TMEM132B: variants seen among roughly 807,000 people sequenced by gnomAD.
TMEM132B encodes transmembrane protein 132B.
Under a neutral mutation model 90.8 loss-of-function variants are expected in TMEM132B, and 18 were observed. The ratio of observed to expected loss-of-function variants is 0.20; its 90% CI spans 0.14 to 0.29. TMEM132B has a LOEUF of 0.29. TMEM132B is among the 10% of genes least tolerant of loss of function. The probability of loss-of-function intolerance (pLI) is 1.00; values close to 1 mark genes in which losing one functional copy is unlikely to be tolerated. For synonymous variants in TMEM132B, 504 were observed against 523.3 expected (o/e 0.96, Z 0.50); for missense variants, 1,096 against 1,326.8 (o/e 0.83, Z 2.70).
chr12:125,427,812 T>C (rs1880363275), intron 3 of TMEM132B, among the ~76,000 whole-genome samples: 1 of 152,232 alleles, frequency 6.6e-6, no homozygotes, highest in South Asian at 2.1e-4. Context: ...TTATTTCTAC[T>C]GTAGGATTTA....
At chr12:125,305,415 G>A (rs1875932060) in intron 1 of TMEM132B, among the ~76,000 whole-genome samples, 1 of 151,878 alleles carries the variant, frequency 6.6e-6, no homozygotes, top group Non-Finnish European at 1.5e-5. Flanking sequence ...GTGTGAGATG[G>A]CAGCCACATG....
Position 125,300,353 on chromosome 12 carries a change from C to T in TMEM132B, c.68-49099C>T, listed in dbSNP as rs144913735. ...ACCTGGTCTCTTTTGTTCTTTATAT[C>T]CCTTGTTACAGCCCGACCACCTGAC... On this transcript the variant is annotated intron_variant, in intron 1 of 8. Coordinates refer to ENST00000682704, the MANE Select transcript of TMEM132B (RefSeq NM_001366854.1). 3.7e-3 allele frequency among the ~76,000 whole-genome samples: 564 copies of T among 152,216 alleles called. 8 individuals are homozygous for T. The highest frequency in any genetic ancestry group is 0.013 in the African/African-American group (534 of 41,538).
chr12:125,198,037 A>G (rs1872964004), intron 1 of TMEM132B, among the ~76,000 whole-genome samples: 1 of 152,212 alleles, frequency 6.6e-6, no homozygotes, highest in African/African-American at 2.4e-5. Flanking sequence ...GGAACTGATC[A>G]GTGATTTTAT....
At chr12:125,576,706 CAT>C (rs1326286671) in intron 4 of TMEM132B, among the ~76,000 whole-genome samples, 3 of 151,952 alleles carry the variant, frequency 2.0e-5, no homozygotes, top group Admixed American at 6.6e-5. Flanking sequence ...CTTTTTTTCA[CAT>C]GTCTTGAGAT....
At chr12:125,291,050 A>G (rs1250604564) in intron 1 of TMEM132B, among the ~76,000 whole-genome samples, 1 of 152,202 alleles carries the variant, frequency 6.6e-6, no homozygotes, top group African/African-American at 2.4e-5. Context: ...TGAAATGCTA[A>G]TCCCCAATGC....
At chr12:125,429,784 C>G (rs1880442493) in intron 3 of TMEM132B, among the ~76,000 whole-genome samples, 1 of 152,192 alleles carries the variant, frequency 6.6e-6, no homozygotes, top group Non-Finnish European at 1.5e-5. Context: ...ACATGCTACT[C>G]ACATGATTTA....
intron 1 of TMEM132B, among the ~76,000 whole-genome samples, chr12:125,197,379 C>T (rs1872948663): frequency 2.0e-5 from 3 of 152,180 alleles, no homozygotes; most frequent in Non-Finnish European, 4.4e-5. Context: ...ACTTCCAGGA[C>T]ATTTTAGAGA....
At chr12:125,434,596 C>A (rs1880644900) in intron 3 of TMEM132B, among the ~76,000 whole-genome samples, 1 of 152,198 alleles carries the variant, frequency 6.6e-6, no homozygotes, top group African/African-American at 2.4e-5. Flanking sequence ...CCCACAACAC[C>A]TGATTCCAGC....
At position 125,265,635 on chromosome 12, in the gene TMEM132B, C is replaced by A. The variant is rs186144205; in HGVS notation, c.67+78769C>A. 4.6e-5 allele frequency among the ~76,000 whole-genome samples: 7 copies of A among 152,268 alleles called. No homozygotes were observed. The East Asian group carries it at 1.4e-3, about 29-fold the overall frequency. ...CTGAACACACTCATGAAAACAGGGG[C>A]CTCTGCAATCTGCACCTAATCACAC... On this transcript the variant is annotated intron_variant, in intron 1 of 8. Coordinates refer to ENST00000682704, the MANE Select transcript of TMEM132B (RefSeq NM_001366854.1).
rs143531684 is a variant in TMEM132B at position 125,514,104 on chromosome 12, C to T, written c.1107-5335C>T. On this transcript the variant is annotated intron_variant, in intron 3 of 8. Transcript: ENST00000682704. ...TGAAGACAGACGTGTCTTCTCTAAG[C>T]AGAGTATATAAACAGACTTACGGCC... 5.9e-5 allele frequency among the ~76,000 whole-genome samples: 9 copies of T among 152,272 alleles called. No individual in the cohort carries two copies. In the East Asian group the frequency reaches 1.7e-3, roughly 29 times the overall value.
intron 1 of TMEM132B, among the ~76,000 whole-genome samples, chr12:125,305,203 C>T (rs867765418): frequency 1.3e-5 from 2 of 151,724 alleles, no homozygotes; most frequent in African/African-American, 2.4e-5. Context: ...GGAGATCAGA[C>T]GTGGGCGACA....
chr12:125,502,848 A>G (rs1592959401), intron 3 of TMEM132B, among the ~76,000 whole-genome samples: 3 of 152,200 alleles, frequency 2.0e-5, no homozygotes, highest in Admixed American at 1.3e-4. Flanking sequence ...GACAAAGAGT[A>G]TAAGTTTGTG....
chr12:125,355,873 C>T (rs61109961), intron 2 of TMEM132B, among the ~76,000 whole-genome samples: 2,287 of 152,204 alleles, frequency 0.015, 61 homozygotes, highest in African/African-American at 0.051. Context: ...AGGGGCCCGT[C>T]TGAACAAAAA....
At chr12:125,344,917 A>G (rs911690689) in intron 1 of TMEM132B, among the ~76,000 whole-genome samples, 1 of 152,150 alleles carries the variant, frequency 6.6e-6, no homozygotes, top group Non-Finnish European at 1.5e-5. Context: ...TTTCTAGTCC[A>G]TTCCGCCGCC....
chr12:125,610,164 T>C (rs1885792299), intron 5 of TMEM132B, among the ~76,000 whole-genome samples: 1 of 152,174 alleles, frequency 6.6e-6, no homozygotes, highest in Non-Finnish European at 1.5e-5. Context: ...ATATATATAA[T>C]AGCATGTCGT....
chr12:125,304,296 C>T (rs1335637177), intron 1 of TMEM132B, among the ~76,000 whole-genome samples: 3 of 152,340 alleles, frequency 2.0e-5, no homozygotes, highest in East Asian at 3.9e-4. Context: ...AAACAGGTCA[C>T]GGACTGGTAC....
At chr12:125,386,329 T>C (rs566153108) in intron 2 of TMEM132B, among the ~76,000 whole-genome samples, 2 of 152,208 alleles carry the variant, frequency 1.3e-5, no homozygotes, top group South Asian at 2.1e-4. Flanking sequence ...GATGGACGCA[T>C]GGTGGGAGGG....
At chr12:125,222,930 C>G (rs1027495203) in intron 1 of TMEM132B, among the ~76,000 whole-genome samples, 4 of 152,208 alleles carry the variant, frequency 2.6e-5, no homozygotes, top group African/African-American at 7.2e-5. Flanking sequence ...TTTCACTATT[C>G]TTTCTTTGAA....
intron 1 of TMEM132B, among the ~76,000 whole-genome samples, chr12:125,196,646 T>C (rs1285799583): frequency 1.3e-5 from 2 of 152,118 alleles, no homozygotes; most frequent in Non-Finnish European, 2.9e-5. Context: ...GAGGCAGAGT[T>C]GCAGTGAGCC....
Sources: gnomAD v4.1 joint callset for allele counts (sites outside exome capture counted in the v4.1 genomes callset) on GRCh38, gnomAD v4.1.1 for gene constraint, MANE v1.5 for transcripts, NCBI Gene and HGNC (gene_info 2026-07-23, HGNC 2026-07-21) for gene names.